Variants in UNC5A observed in about 807,000 individuals in gnomAD.
The protein encoded by UNC5A is netrin receptor UNC5A.
A neutral mutation model predicts 87.4 loss-of-function variants in UNC5A; 20 were observed. The ratio of observed to expected loss-of-function variants is 0.23; its 90% CI spans 0.16 to 0.33. UNC5A has a LOEUF of 0.33. Ranked by LOEUF, UNC5A falls within the 10% of genes least tolerant of loss-of-function variation. The pLI is 1.00. For synonymous variants in UNC5A, 438 were observed against 482.3 expected, an observed-to-expected ratio of 0.91 and a Z score of 1.20; for missense variants, 844 against 1,133.4, an observed-to-expected ratio of 0.74 and a Z score of 3.67.
chr5:176,819,173 T>G (rs910595188), intron 1 of UNC5A, among the ~76,000 whole-genome samples: 1 of 152,076 alleles, frequency 6.6e-6, no homozygotes, highest in African/African-American at 2.4e-5. Flanking sequence ...CAGCTGCTCC[T>G]CATGAGCATT....
rs972063776 is a variant in UNC5A at position 176,824,690 on chromosome 5, A to G, written c.70+13870A>G. 6.6e-6 allele frequency among the ~76,000 whole-genome samples: 1 copy of G among 152,180 alleles called. No individual in the cohort carries two copies. The highest frequency in any genetic ancestry group is 1.5e-5 in the Non-Finnish European group (1 of 68,012). ...TGGCTGGGGCTGGAACCTGGATGCC[A>G]CTTTGGCAGATGAACACCCCCTACT... On this transcript the variant is annotated intron_variant, in intron 1 of 14. Coordinates refer to ENST00000329542, the MANE Select transcript of UNC5A (RefSeq NM_133369.3). The surrounding 1 kb of genome is among the most constrained non-coding windows in gnomAD (Gnocchi z 4.2).
chr5:176,853,359 C>G (rs925250543), intron 1 of UNC5A, among the ~76,000 whole-genome samples: 3 of 152,176 alleles, frequency 2.0e-5, no homozygotes, highest in Non-Finnish European at 4.4e-5. Flanking sequence ...GGGCAAGGGA[C>G]CAGCGGTGCC....
chr5:176,879,951 C>A lies in UNC5A; in HGVS notation c.*65C>A. The A allele has an allele frequency of 6.5e-7, 1 of 1,532,888 alleles. No homozygotes were observed. The highest frequency in any genetic ancestry group is 2.4e-5 in the East Asian group (1 of 41,928). The allele number at this position is 1,532,888 out of a possible 1,614,324, so 95.0% of individuals were successfully genotyped here. ...GCACCCACCAAGGACAGGCAGAAGC[C>A]GGACAGGGGCCCTTCCCCACACCGG... On this transcript the variant is annotated 3_prime_UTR_variant, in exon 15 of 15. Coordinates refer to ENST00000329542, the MANE Select transcript of UNC5A (RefSeq NM_133369.3).
intron 1 of UNC5A, among the ~76,000 whole-genome samples, chr5:176,825,496 G>A (rs916554742): frequency 6.6e-6 from 1 of 152,208 alleles, no homozygotes; most frequent in Non-Finnish European, 1.5e-5. Context: ...AGTGTAGACA[G>A]ACAGGACACA....
At chr5:176,856,121 T>C (rs1757662464) in intron 1 of UNC5A, among the ~76,000 whole-genome samples, 1 of 151,374 alleles carries the variant, frequency 6.6e-6, no homozygotes, top group Admixed American at 6.6e-5. Context: ...GAGGCCTTGC[T>C]CAGTATATAT....
At chr5:176,828,884 A>G (rs577746570) in intron 1 of UNC5A, among the ~76,000 whole-genome samples, 1 of 151,754 alleles carries the variant, frequency 6.6e-6, no homozygotes, top group South Asian at 2.1e-4. Flanking sequence ...TAATTCCAGC[A>G]CTTTGGGAGG....
Position 176,844,047 on chromosome 5 carries a change from A to G in UNC5A, c.71-18577A>G, listed in dbSNP as rs368528012. 5.9e-5 allele frequency among the ~76,000 whole-genome samples: 9 copies of G among 152,344 alleles called. No individual in the cohort carries two copies. In the East Asian group the frequency reaches 1.7e-3, roughly 29 times the overall value. On this transcript the variant is annotated intron_variant, in intron 1 of 14. Transcript: ENST00000329542. The surrounding 1 kb of genome is among the most constrained non-coding windows in gnomAD (Gnocchi z 4.2). Reference sequence around the variant, plus strand: ...AGGCACAGAGGAGAGGATTATTTACAGAGACAGGAGGCAGGGGACGGGGAG... The same window carrying G: ...AGGCACAGAGGAGAGGATTATTTACGGAGACAGGAGGCAGGGGACGGGGAG...
At chr5:176,839,972 A>G (rs79091950) in intron 1 of UNC5A, among the ~76,000 whole-genome samples, 3,244 of 151,998 alleles carry the variant, frequency 0.021, 109 homozygotes, top group African/African-American at 0.069. Flanking sequence ...CTACTGCCTC[A>G]GCCTCCTGAG....
intron 1 of UNC5A, among the ~76,000 whole-genome samples, chr5:176,820,408 AAAAG>A (rs370689155): frequency 2.4e-4 from 37 of 152,192 alleles, no homozygotes; most frequent in African/African-American, 8.7e-4. Context: ...AAAAAAAAAG[AAAAG>A]AAAGAAAGAA....
At chr5:176,859,313 GCCC>G (rs1174157272) in intron 1 of UNC5A, among the ~76,000 whole-genome samples, 3 of 30,154 alleles carry the variant, frequency 9.9e-5, no homozygotes, top group African/African-American at 1.6e-4. Context: ...CTGCTAGAAT[GCCC>G]TTGCTAGAGG....
chr5:176,825,737 A>G (rs901872097), intron 1 of UNC5A, among the ~76,000 whole-genome samples: 1 of 152,204 alleles, frequency 6.6e-6, no homozygotes, highest in African/African-American at 2.4e-5. Context: ...CCCCAGCTCC[A>G]TGGCAGCAAA....
chr5:176,864,752 C>G (rs564723524), intron 2 of UNC5A: 4 of 446,982 alleles, frequency 8.9e-6, no homozygotes, highest in South Asian at 4.7e-5. Flanking sequence ...TGTGCCATGC[C>G]TTGGGTTAGG....
chr5:176,835,734 T>TGTGC (rs2113613869), intron 1 of UNC5A, among the ~76,000 whole-genome samples: 2 of 147,658 alleles, frequency 1.4e-5, no homozygotes, highest in East Asian at 3.9e-4. Flanking sequence ...AAAGGATGTG[T>TGTGC]GTGTGTGTGT....
chr5:176,823,382 G>A (rs1038153843), intron 1 of UNC5A, among the ~76,000 whole-genome samples: 1 of 152,080 alleles, frequency 6.6e-6, no homozygotes, highest in Non-Finnish European at 1.5e-5. Flanking sequence ...AACTGGCTCT[G>A]GTCACGTGAA....
intron 6 of UNC5A, among the ~76,000 whole-genome samples, chr5:176,872,513 T>C (rs1184890979): frequency 9.0e-5 from 2 of 22,268 alleles, no homozygotes; most frequent in Admixed American, 5.5e-4. Context: ...CTGCCCACAC[T>C]CGCCCCAACA....
chr5:176,840,801 C>A (rs1344855556), intron 1 of UNC5A, among the ~76,000 whole-genome samples: 2 of 152,252 alleles, frequency 1.3e-5, no homozygotes, highest in African/African-American at 4.8e-5. Flanking sequence ...GACCAGACGA[C>A]AGGGAGACCT....
At chr5:176,832,313 T>G (rs1757050890) in intron 1 of UNC5A, among the ~76,000 whole-genome samples, 1 of 152,226 alleles carries the variant, frequency 6.6e-6, no homozygotes, top group Non-Finnish European at 1.5e-5. Flanking sequence ...GCTGGCAGTC[T>G]GATTTCACAG....
rs1757973101 is a variant in UNC5A, at chr5:176,866,301, GGA to G, written c.293-1827_293-1826del. ...CCCCCGCCTCAGGCACTGCCCTCCA[GGA>G]GCTTGTGGGGCTGAAGGGCACCCCT... On this transcript the variant is annotated intron_variant, in intron 2 of 14. Transcript: ENST00000329542. The surrounding 1 kb of genome is among the most constrained non-coding windows in gnomAD (Gnocchi z 5.0). 6.6e-6 allele frequency among the ~76,000 whole-genome samples: 1 copy of G among 152,200 alleles called. No individual in the cohort carries two copies. The highest frequency in any genetic ancestry group is 1.5e-5 in the Non-Finnish European group (1 of 68,036).
intron 14 of UNC5A, 40 bp downstream of exon 14, chr5:176,879,528 C>A: frequency 1.9e-6 from 3 of 1,571,532 alleles, no homozygotes; most frequent in Non-Finnish European, 2.6e-6. Context: ...CGCAGGCCAC[C>A]GACAGTCCTG....
Sources: gnomAD v4.1 joint callset for allele counts (sites outside exome capture counted in the v4.1 genomes callset) on GRCh38, gnomAD v4.1.1 for gene constraint, Gnocchi (gnomAD v3.1) non-coding constraint, MANE v1.5 for transcripts, NCBI Gene and HGNC (gene_info 2026-07-23, HGNC 2026-07-21) for gene names.